Variants in CSMD1 observed in about 807,000 individuals in gnomAD.
CSMD1 encodes CUB and Sushi multiple domains 1.
CSMD1 carries 213 observed loss-of-function variants against 417.5 expected under a neutral mutation model. The ratio of observed to expected loss-of-function variants is 0.51; its 90% CI spans 0.46 to 0.57. The LOEUF (loss-of-function observed/expected upper bound fraction) is 0.57, where lower values mean the gene tolerates loss of function less well. CSMD1 is among the 20% of genes least tolerant of loss of function. CSMD1 has a pLI of 0.00. For missense variants in CSMD1, 6,923 were observed against 4,529.7 expected (o/e 1.53, Z -15.17); for synonymous variants, 2,862 against 1,736.8 (o/e 1.65, Z -16.11).
intron 5 of CSMD1, among the ~76,000 whole-genome samples, chr8:3,894,579 G>A (rs1422445686): frequency 6.6e-6 from 1 of 152,040 alleles, no homozygotes; most frequent in Admixed American, 6.6e-5. Flanking sequence ...ACATCCTATT[G>A]ATTTGTTGTC....
chr8:4,845,602 C>A (rs1359413118), intron 1 of CSMD1, among the ~76,000 whole-genome samples: 1 of 152,196 alleles, frequency 6.6e-6, no homozygotes, highest in African/African-American at 2.4e-5. Context: ...GGGTTCCTAC[C>A]ATGTGCCAGG....
chr8:4,794,184 T>C (rs985232306), intron 1 of CSMD1, among the ~76,000 whole-genome samples: 1 of 152,184 alleles, frequency 6.6e-6, no homozygotes, highest in South Asian at 2.1e-4. Flanking sequence ...TTGTTAAATA[T>C]ATTATTTTAC....
intron 5 of CSMD1, among the ~76,000 whole-genome samples, chr8:3,937,999 T>C (rs1042368621): frequency 2.0e-5 from 3 of 152,150 alleles, no homozygotes; most frequent in Non-Finnish European, 2.9e-5. Flanking sequence ...TCAAAATAAC[T>C]AACTATAAAA....
chr8:4,461,069 A>G (rs887308066), intron 2 of CSMD1, among the ~76,000 whole-genome samples: 5 of 152,128 alleles, frequency 3.3e-5, no homozygotes, highest in African/African-American at 1.2e-4. Context: ...ACTGTGTCCA[A>G]GTGCTATTTA....
chr8:4,240,101 C>A (rs910703212), intron 3 of CSMD1, among the ~76,000 whole-genome samples: 1 of 152,152 alleles, frequency 6.6e-6, no homozygotes, highest in Non-Finnish European at 1.5e-5. Flanking sequence ...AAATACTAAA[C>A]CAAATGTTGA....
rs148885232 is a variant in CSMD1, at chr8:4,902,767, A to G, written c.85+91565T>C. On this transcript the variant is annotated intron_variant, in intron 1 of 69. Coordinates refer to ENST00000635120, the MANE Select transcript of CSMD1 (RefSeq NM_033225.6). ...TGTCTCCCTCTGGCCTCTGTAGCTTATCTGCCCAGGCAGTAAACACAGTTA... is the reference window on the plus strand; with the variant it reads ...TGTCTCCCTCTGGCCTCTGTAGCTTGTCTGCCCAGGCAGTAAACACAGTTA... Among the ~76,000 whole-genome samples the G allele has an allele frequency of 6.5e-3, 987 of 152,170 alleles. 12 individuals are homozygous for G. The highest frequency in any genetic ancestry group is 0.023 in the African/African-American group (940 of 41,568).
chr8:4,186,688 G>T (rs1040109331), intron 3 of CSMD1, among the ~76,000 whole-genome samples: 1 of 151,962 alleles, frequency 6.6e-6, no homozygotes, highest in African/African-American at 2.4e-5. Context: ...TTTCTATTAA[G>T]ACTAAATATT....
intron 3 of CSMD1, among the ~76,000 whole-genome samples, chr8:4,114,523 C>G (rs1276434112): frequency 6.6e-6 from 1 of 150,710 alleles, no homozygotes; most frequent in African/African-American, 2.4e-5. Flanking sequence ...GCCCATGGAT[C>G]AAGGAATAAC....
chr8:3,507,521 G>C (rs1339606759), intron 10 of CSMD1, among the ~76,000 whole-genome samples: 3 of 152,140 alleles, frequency 2.0e-5, no homozygotes, highest in African/African-American at 7.2e-5. Flanking sequence ...TATATACCTA[G>C]TAATGGGATT....
At chr8:3,474,896 T>A (rs527616198) in intron 11 of CSMD1, among the ~76,000 whole-genome samples, 3 of 152,314 alleles carry the variant, frequency 2.0e-5, no homozygotes, top group African/African-American at 7.2e-5. Context: ...ATAAATCTAT[T>A]TTTGATAGAG....
chr8:4,232,410 C>A (rs1413183056), intron 3 of CSMD1, among the ~76,000 whole-genome samples: 1 of 152,054 alleles, frequency 6.6e-6, no homozygotes, highest in Admixed American at 6.6e-5. Flanking sequence ...CGTTGGCCAG[C>A]TTGGTCTTGA....
chr8:3,732,654 G>A (rs780725113), intron 6 of CSMD1, among the ~76,000 whole-genome samples: 1 of 152,082 alleles, frequency 6.6e-6, no homozygotes, highest in Non-Finnish European at 1.5e-5. Flanking sequence ...TGTTTGAACA[G>A]AGTTCAATCC....
intron 25 of CSMD1, among the ~76,000 whole-genome samples, chr8:3,295,905 G>A (rs1034467512): frequency 7.2e-5 from 11 of 152,088 alleles, no homozygotes; most frequent in African/African-American, 2.2e-4. Flanking sequence ...GGCACCAAGA[G>A]TGTACTGAGT....
At chr8:3,269,421 C>G (rs1304012870) in intron 26 of CSMD1, among the ~76,000 whole-genome samples, 2 of 152,226 alleles carry the variant, frequency 1.3e-5, no homozygotes, top group Admixed American at 1.3e-4. Flanking sequence ...TCCCATAAAA[C>G]AGTCCCAGCC....
intron 3 of CSMD1, among the ~76,000 whole-genome samples, chr8:4,256,825 G>C (rs1028496006): frequency 6.6e-6 from 1 of 152,324 alleles, no homozygotes; most frequent in South Asian, 2.1e-4. Flanking sequence ...CGAGTTATGA[G>C]CAAAGAACAG....
At chr8:3,185,377 T>C (rs962301384) in intron 36 of CSMD1, among the ~76,000 whole-genome samples, 1 of 152,188 alleles carries the variant, frequency 6.6e-6, no homozygotes, top group Non-Finnish European at 1.5e-5. Flanking sequence ...TTCACTATTA[T>C]TAGTAAGGCA....
rs139086288 is a variant in CSMD1, at chr8:4,201,980, C to G, written c.416-169881G>C. Among the ~76,000 whole-genome samples, 4 of 151,802 alleles carry G rather than the reference C, an allele frequency of 2.6e-5. No individual in the cohort carries two copies. The East Asian group carries it at 7.7e-4, about 29-fold the overall frequency. ...CTGAGACAGAAAACAAAAATGAATC[C>G]TACTTGCATTTTGATGATTATACTC... On this transcript the variant is annotated intron_variant, in intron 3 of 69. Transcript: ENST00000635120.
At chr8:4,859,750 T>G (rs942262205) in intron 1 of CSMD1, among the ~76,000 whole-genome samples, 2 of 151,750 alleles carry the variant, frequency 1.3e-5, no homozygotes, top group African/African-American at 4.8e-5. Context: ...CATTAAAAAG[T>G]CAGGAAACAA....
At chr8:4,072,911 C>T (rs545026960) in intron 3 of CSMD1, among the ~76,000 whole-genome samples, 1 of 152,268 alleles carries the variant, frequency 6.6e-6, no homozygotes, top group Non-Finnish European at 1.5e-5. Flanking sequence ...ATCAACACAA[C>T]CTTGGATATT....
Sources: allele counts gnomAD v4.1 joint callset (sites outside exome capture counted in the v4.1 genomes callset), GRCh38; gene constraint gnomAD v4.1.1; transcripts MANE v1.5; gene names NCBI Gene and HGNC (gene_info 2026-07-23, HGNC 2026-07-21).